ZSCAN29: variants seen among roughly 807,000 people sequenced by gnomAD.
The protein encoded by ZSCAN29 is zinc finger and SCAN domain-containing protein 29.
ZSCAN29 carries 55 observed loss-of-function variants against 71.9 expected under a neutral mutation model. The observed-to-expected ratio is 0.76, with a 90% CI of 0.62 to 0.96. ZSCAN29 has a LOEUF of 0.96. Among genes scored for constraint, ZSCAN29 ranks in the 40% least tolerant of loss-of-function variants. The pLI is 0.00. For missense variants in ZSCAN29, 1,042 were observed against 1,042.2 expected (o/e 1.00, Z 0.00); for synonymous variants, 351 against 371.6 (o/e 0.94, Z 0.64).
rs1017473680 is a variant in ZSCAN29, at chr15:43,359,299, T to C, written c.*1774A>G. 11 of 152,272 alleles carry C rather than the reference T, an allele frequency of 7.2e-5. No individual in the cohort carries two copies. Among genetic ancestry groups the C allele is most frequent in the African/African-American group, 2.7e-4 (11 of 41,480 alleles). 9.4% of individuals were successfully genotyped at this position (152,272 alleles called of 1,614,324 possible). A position where few individuals can be genotyped will look rare whatever the true frequency, so the allele number is the denominator to read the frequency against. Reference sequence around the variant, plus strand: ...CTATGCATGTGCACTTGTTTGTCCATGTCAGTGTCATCTGCTTTAGATTGT... The same window carrying C: ...CTATGCATGTGCACTTGTTTGTCCACGTCAGTGTCATCTGCTTTAGATTGT... On this transcript the variant is annotated 3_prime_UTR_variant, in exon 6 of 6. Transcript: ENST00000684362.
At chr15:43,364,892 CAAAAAAA>C (rs57976198) in intron 4 of ZSCAN29, among the ~76,000 whole-genome samples, 18 of 38,940 alleles carry the variant, frequency 4.6e-4, no homozygotes, top group South Asian at 3.9e-3. Flanking sequence ...GACTCTGTCT[CAAAAAAA>C]AAAAAAAAAA....
Position 43,369,716 on chromosome 15 carries a change from G to C in ZSCAN29, c.198C>G (p.Phe66Leu), listed in dbSNP as rs375291931. 6.2e-7 allele frequency: 1 copy of C among 1,614,206 alleles called. No individual in the cohort carries two copies. Among genetic ancestry groups the C allele is most frequent in the Non-Finnish European group, 8.5e-7 (1 of 1,180,054 alleles). ...GGATCTCCCCAGGTAAGACGGTCAG[G>C]AACTGCTCTAGCACCAACAGTTCTA... ...QIVELLVLEQ[F>L]LTVLPGEIQN... Residue 66 changes from phenylalanine (F) to leucine (L), a missense_variant, in exon 2 of 6, where the codon TTC becomes TTG. Transcript: ENST00000684362.
In ZSCAN29 at chr15:43,364,010, G is replaced by T. The variant is rs767392497; in HGVS notation, c.1595C>A (p.Ala532Asp). The T allele has an allele frequency of 1.9e-6, 3 of 1,614,094 alleles. No homozygotes were observed. In the Admixed American group the frequency reaches 5.0e-5, roughly 27 times the overall value. Reference sequence around the variant, plus strand: ...ATCATCATCAGAATCTTCCTCTGTGGCCTCGTCTGCTTCCTCAGCTTGCTT... The same window carrying T: ...ATCATCATCAGAATCTTCCTCTGTGTCCTCGTCTGCTTCCTCAGCTTGCTT... The part of the protein sequence containing the change: ...AQKQAEEADE[A>D]TEEDSDDDEE... Residue 532 changes from alanine (A) to aspartate (D), a missense_variant, in exon 5 of 6, where the codon GCC (alanine) becomes GAC (aspartate). By Grantham distance (126) the Ala-to-Asp change is moderately radical. Transcript: ENST00000684362.
At chr15:43,368,243 TGG>T (rs2044059073) in intron 3 of ZSCAN29, among the ~76,000 whole-genome samples, 2 of 109,006 alleles carry the variant, frequency 1.8e-5, no homozygotes, top group East Asian at 2.5e-4. Flanking sequence ...GAATGGATCT[TGG>T]CCGGGCGCGG....
intron 3 of ZSCAN29, among the ~76,000 whole-genome samples, chr15:43,367,300 C>G (rs772167774): frequency 2.6e-5 from 4 of 152,156 alleles, no homozygotes; most frequent in Non-Finnish European, 5.9e-5. Context: ...CCTCTCACAC[C>G]CAGATAATTG....
chr15:43,366,299 C>T lies in ZSCAN29; in HGVS notation c.1033G>A (p.Ala345Thr). The T allele has an allele frequency of 6.2e-7, 1 of 1,613,116 alleles. No homozygotes were observed. Among genetic ancestry groups the T allele is most frequent in the Non-Finnish European group, 8.5e-7 (1 of 1,180,042 alleles). Residue 345 changes from alanine (A) to threonine (T), a missense_variant, in exon 4 of 6, where the codon GCA (alanine) becomes ACA (threonine). Coordinates refer to ENST00000684362, the MANE Select transcript of ZSCAN29 (RefSeq NM_001372080.1). ...VIALPSNGLE[A>T]AASHSGLVGS... is the part of the protein sequence containing the mutation. ...ACCAGGCCAGAGTGAGAGGCTGCTG[C>T]TTCCAGGCCATTACTGGGCAGGGCA...
chr15:43,365,300 T>A (rs2044024888), intron 4 of ZSCAN29, among the ~76,000 whole-genome samples: 1 of 152,196 alleles, frequency 6.6e-6, no homozygotes, highest in Non-Finnish European at 1.5e-5. Flanking sequence ...TTGGTGCTCT[T>A]TCCATAACAG....
rs1317347777 is a variant in ZSCAN29 at position 43,361,849 on chromosome 15, T to C, written c.1783A>G (p.Arg595Gly). Residue 595 changes from arginine to glycine, a missense_variant, in exon 6 of 6, where the codon AGG (arginine) becomes GGG (glycine). Arg to Gly is a moderately radical substitution (Grantham distance 125). Coordinates refer to ENST00000684362, the MANE Select transcript of ZSCAN29 (RefSeq NM_001372080.1). ...TGATGAAGATACCGGGGAATTTTCC[T>C]TTCAGATCTTGCAAGTAATGTCCTA... Reference protein sequence around the residue: ...LHRTLLARSERKIPRYLHQGK... With the variant: ...LHRTLLARSEGKIPRYLHQGK... 1 of 1,614,230 alleles carries C rather than the reference T, an allele frequency of 6.2e-7. No individual in the cohort carries two copies. The highest frequency in any genetic ancestry group is 1.3e-5 in the African/African-American group (1 of 75,062).
intron 5 of ZSCAN29, among the ~76,000 whole-genome samples, chr15:43,362,370 A>G (rs1425923380): frequency 6.6e-6 from 1 of 152,222 alleles, no homozygotes; most frequent in Admixed American, 6.5e-5. Context: ...CATGCTCAGG[A>G]AAACATTTTT....
rs1469769150 is a variant in ZSCAN29, at chr15:43,370,981, G to A, written c.-536C>T. The A allele has an allele frequency of 1.7e-4, 21 of 121,648 alleles. No homozygotes were observed. Among genetic ancestry groups the A allele is most frequent in the Middle Eastern group, 3.1e-3 (1 of 324 alleles). The allele number at this position is 121,648 out of a possible 1,614,324, so 7.5% of individuals were successfully genotyped here. A position where few individuals can be genotyped will look rare whatever the true frequency, so the allele number is the denominator to read the frequency against. ...CACTCGGGGTCCGACCCTGACCCCG[G>A]CCCCGGCCCCGGCCCCGGCCCCGGC... On this transcript the variant is annotated 5_prime_UTR_variant, in exon 1 of 6. Transcript: ENST00000684362.
At position 43,361,577 on chromosome 15, in the gene ZSCAN29, T is replaced by C; in HGVS notation, c.2055A>G (p.Lys685=). ...TGAGTCGTGCACTCCGACTGAAGCT[T>C]TTCCCACAATCAGCACATTTATATG... The part of the protein sequence containing the change: ...ENPYKCADCG[K]SFSRSARLIR... The change falls in exon 6 of 6, where the codon AAA becomes AAG. Residue 685 remains lysine (K), a synonymous_variant. Transcript: ENST00000684362. 1 of 1,614,204 alleles carries C rather than the reference T, an allele frequency of 6.2e-7. No homozygotes were observed. The highest frequency in any genetic ancestry group is 8.5e-7 in the Non-Finnish European group (1 of 1,180,034).
chr15:43,366,928 T>C, intron 3 of ZSCAN29, 120 bp from the exon 4 acceptor site: 1 of 991,734 alleles, frequency 1.0e-6, no homozygotes, highest in Non-Finnish European at 1.5e-6. Flanking sequence ...TAGGGAAATG[T>C]TTTCAGAAAG....
rs1040952352 is a variant in ZSCAN29, at chr15:43,370,828, G to C, written c.-383C>G. Reference sequence around the variant, plus strand: ...GCCGGGTAACCCGGAGCCGTCGTGCGGTCCCTCCAGAGGCCTCTGACCCGG... The same window carrying C: ...GCCGGGTAACCCGGAGCCGTCGTGCCGTCCCTCCAGAGGCCTCTGACCCGG... On this transcript the variant is annotated 5_prime_UTR_variant, in exon 1 of 6. Transcript: ENST00000684362. The C allele has an allele frequency of 6.5e-6, 1 of 153,788 alleles. No individual in the cohort carries two copies. Among genetic ancestry groups the C allele is most frequent in the Non-Finnish European group, 1.5e-5 (1 of 68,882 alleles). The allele number at this position is 153,788 out of a possible 1,614,324, so 9.5% of individuals were successfully genotyped here. A position where few individuals can be genotyped will look rare whatever the true frequency, so the allele number is the denominator to read the frequency against.
chr15:43,367,411 G>T (rs1195088902), intron 3 of ZSCAN29, among the ~76,000 whole-genome samples: 1 of 152,124 alleles, frequency 6.6e-6, no homozygotes, highest in Non-Finnish European at 1.5e-5. Context: ...ATTCCTGTCA[G>T]ACTCTTCCCT....
At chr15:43,366,850 T>C (rs1381558069) in intron 3 of ZSCAN29, 42 bp from the exon 4 acceptor site, 2 of 1,525,412 alleles carry the variant, frequency 1.3e-6, no homozygotes, top group Middle Eastern at 1.8e-4. Context: ...TAGTTTGGAC[T>C]GATTATCACA....
At chr15:43,365,364 C>G (rs561080589) in intron 4 of ZSCAN29, among the ~76,000 whole-genome samples, 91 of 152,164 alleles carry the variant, frequency 6.0e-4, no homozygotes, top group Non-Finnish European at 1.2e-3. Context: ...AAAAGGATTC[C>G]ATAGGCAAGA....
In ZSCAN29 at chr15:43,369,604, T is replaced by C. The variant is rs3809482; in HGVS notation, c.310A>G (p.Arg104Gly). 553,565 of 1,611,018 alleles carry C rather than the reference T, an allele frequency of 0.34. 109,480 individuals carry two copies. Among genetic ancestry groups the C allele is most frequent in the African/African-American group, 0.88 (65,734 of 74,866 alleles). The change falls in exon 2 of 6, where the codon AGA (arginine) becomes GGA (glycine). Residue 104 changes from arginine to glycine, a missense_variant. Coordinates refer to ENST00000684362, the MANE Select transcript of ZSCAN29 (RefSeq NM_001372080.1). Reference sequence around the variant, plus strand: ...TCCCCCTCCCTTCTCACCGAAGATCTAGGTCTTCCAGGCTCTCTTTCTAAA... The same window carrying C: ...TCCCCCTCCCTTCTCACCGAAGATCCAGGTCTTCCAGGCTCTCTTTCTAAA... ...EDLEREPGRPRSSVTVSVKGQ... is the reference protein window; with the variant it reads ...EDLEREPGRPGSSVTVSVKGQ...
At position 43,361,231 on chromosome 15, in the gene ZSCAN29, T is replaced by C. The variant is rs1384664848; in HGVS notation, c.2401A>G (p.Lys801Glu). Residue 801 changes from lysine (K) to glutamate (E), a missense_variant, in exon 6 of 6, where the codon AAG becomes GAG. Coordinates refer to ENST00000684362, the MANE Select transcript of ZSCAN29 (RefSeq NM_001372080.1). The stretch of plus-strand genomic sequence containing the variant: ...TGATGTGCACGTAAGTCAGAACTCT[T>C]ACTGAAACTCTTTCCACAGTCAGGA... ...VCPDCGKSFS[K>E]SSDLRAHHRT... 1 of 1,613,804 alleles carries C rather than the reference T, an allele frequency of 6.2e-7. No homozygotes were observed. Among genetic ancestry groups the C allele is most frequent in the Admixed American group, 1.7e-5 (1 of 59,972 alleles).
In ZSCAN29 at chr15:43,369,756, G is replaced by C; in HGVS notation, c.158C>G (p.Thr53Ser). 1 of 1,614,218 alleles carries C rather than the reference G, an allele frequency of 6.2e-7. No individual in the cohort carries two copies. Among genetic ancestry groups the C allele is most frequent in the Non-Finnish European group, 8.5e-7 (1 of 1,180,044 alleles). The change falls in exon 2 of 6, where the codon ACC (threonine) becomes AGC (serine). Residue 53 changes from threonine (T) to serine (S), a missense_variant. By Grantham distance (58) the Thr-to-Ser change is moderately conservative. Coordinates refer to ENST00000684362, the MANE Select transcript of ZSCAN29 (RefSeq NM_001372080.1). ...CAACAGTTCTACAATCTGCTCCTTG[G>C]TGCGCACCTCCGGCCTTAGCCACCG... ...CCRWLRPEVR[T>S]KEQIVELLVL...
Sources: allele counts gnomAD v4.1 joint callset (sites outside exome capture counted in the v4.1 genomes callset), GRCh38; gene constraint gnomAD v4.1.1; transcripts MANE v1.5; gene names NCBI Gene and HGNC (gene_info 2026-07-23, HGNC 2026-07-21).